RNF34: variants seen among roughly 807,000 people sequenced by gnomAD.
The protein encoded by RNF34 is ring finger protein 34, also known as E3 ubiquitin-protein ligase RNF34.
RNF34 carries 12 observed loss-of-function variants against 37.9 expected under a neutral mutation model. That is an observed-to-expected ratio of 0.32 (90% CI 0.20 to 0.51). RNF34 has a LOEUF of 0.51. Ranked by LOEUF, RNF34 falls within the 20% of genes least tolerant of loss-of-function variation. RNF34 has a pLI of 0.97. For synonymous variants in RNF34, 155 were observed against 177.2 expected, an observed-to-expected ratio of 0.87 and a Z score of 1.00; for missense variants, 362 against 472.7, an observed-to-expected ratio of 0.77 and a Z score of 2.17.
chr12:121,409,089 C>T (rs886996980), intron 1 of RNF34, among the ~76,000 whole-genome samples: 1 of 152,050 alleles, frequency 6.6e-6, no homozygotes, highest in Non-Finnish European at 1.5e-5. Context: ...AAACGATTCT[C>T]CTGCCTCAGC....
At chr12:121,412,201 A>C (rs1370260807) in intron 1 of RNF34, among the ~76,000 whole-genome samples, 2 of 142,120 alleles carry the variant, frequency 1.4e-5, no homozygotes, top group Non-Finnish European at 3.0e-5. Context: ...AGCTGGGACT[A>C]CAGGCACGTG....
intron 1 of RNF34, among the ~76,000 whole-genome samples, chr12:121,415,926 A>G (rs1871529962): frequency 7.3e-6 from 1 of 136,880 alleles, no homozygotes; most frequent in South Asian, 2.4e-4. Flanking sequence ...TAAAATTTGG[A>G]TCATGTTCTC....
At chr12:121,403,325 G>T (rs1555280254) in intron 1 of RNF34, among the ~76,000 whole-genome samples, 1 of 151,632 alleles carries the variant, frequency 6.6e-6, no homozygotes, top group Non-Finnish European at 1.5e-5. Context: ...GAACCCGGGA[G>T]GCAGAGTTTG....
chr12:121,423,523 T>TGG lies in RNF34; in HGVS notation c.1067_1068insGG (p.Cys356TrpfsTer32), dbSNP rs782480505. The TGG allele has an allele frequency of 6.2e-6, 10 of 1,614,172 alleles. No homozygotes were observed. Among genetic ancestry groups the TGG allele is most frequent in the Non-Finnish European group, 7.6e-6 (9 of 1,180,030 alleles). ...CAAGTGCGGCAAGCGCATGAGTGAGTGTCCCATCTGCCGGCAGTATGTGGT... is the reference window on the plus strand; with the variant it reads ...CAAGTGCGGCAAGCGCATGAGTGAGTGGGTCCCATCTGCCGGCAGTATGTGGT... On this transcript the variant is annotated frameshift_variant, in exon 6 of 6. Coordinates refer to ENST00000361234, the MANE Select transcript of RNF34 (RefSeq NM_025126.4). LOFTEE classifies it high-confidence loss of function. This position sits in a 1 kb window ranked among gnomAD's most constrained non-coding sequence, Gnocchi z 4.3.
rs184904177 is a variant in RNF34, at chr12:121,420,332, C to A, written c.724C>A (p.Arg242=). Residue 242 remains arginine (R), a splice_region_variant and synonymous_variant, in exon 4 of 6, where the codon CGG becomes AGG. Coordinates refer to ENST00000361234, the MANE Select transcript of RNF34 (RefSeq NM_025126.4). ...TGATGAAGAAGAAAACGCAGAGGAT[C>A]GGGTGAGGCCACCTATAAAATTTGG... ...DDDEEENAED[R]NPGLSKERVR... 1.7e-5 allele frequency: 26 copies of A among 1,560,632 alleles called. No individual in the cohort carries two copies. The highest frequency in any genetic ancestry group is 2.1e-5 in the Non-Finnish European group (24 of 1,151,732).
Position 121,412,707 on chromosome 12 carries a change from G to C in RNF34, c.7-3452G>C, listed in dbSNP as rs540532499. Among the ~76,000 whole-genome samples, 4 of 148,692 alleles carry C rather than the reference G, an allele frequency of 2.7e-5. No homozygotes were observed. In the South Asian group the frequency reaches 8.6e-4, roughly 32 times the overall value. On this transcript the variant is annotated intron_variant, in intron 1 of 5. Coordinates refer to ENST00000361234, the MANE Select transcript of RNF34 (RefSeq NM_025126.4). ...CACTAACTTTAAATTAACTCTTAGT[G>C]AATCTAGATGTTCATGCTTTTTTTT...
At chr12:121,420,526 G>A (rs1555283124) in intron 4 of RNF34, 51 bp from the exon 5 acceptor site, 1 of 1,593,332 alleles carries the variant, frequency 6.3e-7, no homozygotes, top group Admixed American at 1.7e-5. Flanking sequence ...TTTAGAGTGG[G>A]GAGGGTCTGG....
rs1239453086 is a variant in RNF34, at chr12:121,417,917, AG to A, written c.633+11del. 5.0e-6 allele frequency: 8 copies of A among 1,611,434 alleles called. No homozygotes were observed. The highest frequency in any genetic ancestry group is 6.8e-6 in the Non-Finnish European group (8 of 1,178,946). On this transcript the variant is annotated splice_region_variant and intron_variant, in intron 3 of 5. Transcript: ENST00000361234. The surrounding 1 kb of genome is among the most constrained non-coding windows in gnomAD (Gnocchi z 5.0). ...GATCTGGAGTGCCGGCACAGGTACG[AG>A]GGGGTAACTAATTACACCCAGGGCC... is the stretch of plus-strand genomic sequence containing the variant.
At chr12:121,419,382 T>C (rs1871886211) in intron 3 of RNF34, among the ~76,000 whole-genome samples, 1 of 152,216 alleles carries the variant, frequency 6.6e-6, no homozygotes, top group South Asian at 2.1e-4. Context: ...GAACGTCTCC[T>C]AGTCGTCAAG....
rs574834467 is a variant in RNF34 at position 121,406,937 on chromosome 12, T to A, written c.6+6719T>A. ...TAAAAATATAATTTCAACTTTTAGATTTGGGGGTACACGTACAGACTTGTT... is the reference window on the plus strand; with the variant it reads ...TAAAAATATAATTTCAACTTTTAGAATTGGGGGTACACGTACAGACTTGTT... On this transcript the variant is annotated intron_variant, in intron 1 of 5. Transcript: ENST00000361234. 2.0e-5 allele frequency among the ~76,000 whole-genome samples: 3 copies of A among 152,264 alleles called. No individual in the cohort carries two copies. The South Asian group carries it at 6.2e-4, about 32-fold the overall frequency.
In RNF34 at chr12:121,422,645, G is replaced by C. The variant is rs544074648; in HGVS notation, c.929-741G>C. ...TTCCTGTTCTGTTCCAACTATTCAT[G>C]ATTCCCTTTGATCTCCTCTGACCTG... On this transcript the variant is annotated intron_variant, in intron 5 of 5. Coordinates refer to ENST00000361234, the MANE Select transcript of RNF34 (RefSeq NM_025126.4). Among the ~76,000 whole-genome samples, 6 of 152,304 alleles carry C rather than the reference G, an allele frequency of 3.9e-5. 1 individual carries two copies. In the South Asian group the frequency reaches 6.2e-4, roughly 16 times the overall value.
rs1389540728 is a variant in RNF34, at chr12:121,423,936, A to C, written c.*360A>C. The C allele has an allele frequency of 1.6e-5, 3 of 189,084 alleles. No individual in the cohort carries two copies. The highest frequency in any genetic ancestry group is 3.3e-5 in the Non-Finnish European group (3 of 91,350). 11.7% of individuals were successfully genotyped at this position (189,084 alleles called of 1,614,324 possible). Reference sequence around the variant, plus strand: ...CCTATTTTTAACTTAAACTGCTCAGATGTTTGAAACTTCTGTCCTCTTTGG... The same window carrying C: ...CCTATTTTTAACTTAAACTGCTCAGCTGTTTGAAACTTCTGTCCTCTTTGG... On this transcript the variant is annotated 3_prime_UTR_variant, in exon 6 of 6. Transcript: ENST00000361234. The surrounding 1 kb of genome is among the most constrained non-coding windows in gnomAD (Gnocchi z 4.3).
rs1403421174 is a variant in RNF34, at chr12:121,420,757, A to G, written c.907A>G (p.Asn303Asp). The G allele has an allele frequency of 6.2e-7, 1 of 1,613,390 alleles. No homozygotes were observed. Among genetic ancestry groups the G allele is most frequent in the African/African-American group, 1.3e-5 (1 of 74,902 alleles). Reference protein sequence around the residue: ...VEKVNRLYKENEENQKSYGER... With the variant: ...VEKVNRLYKEDEENQKSYGER... ...GAAAGTAAACCGGTTATACAAAGAG[A>G]ATGAAGAAAACCAAAAGTCCTGTAG... The change falls in exon 5 of 6, where the codon AAT becomes GAT. Residue 303 changes from asparagine to aspartate, a missense_variant. Physicochemically the swap from Asn to Asp is conservative, Grantham distance 23. Coordinates refer to ENST00000361234, the MANE Select transcript of RNF34 (RefSeq NM_025126.4).
intron 5 of RNF34, among the ~76,000 whole-genome samples, chr12:121,422,023 CG>C (rs1453439940): frequency 2.0e-5 from 3 of 152,174 alleles, no homozygotes; most frequent in African/African-American, 7.2e-5. Flanking sequence ...TTTCAGAGGT[CG>C]TAGGCTGCTG....
At chr12:121,401,771 A>G (rs113741957) in intron 1 of RNF34, among the ~76,000 whole-genome samples, 3 of 152,210 alleles carry the variant, frequency 2.0e-5, no homozygotes, top group African/African-American at 7.2e-5. Context: ...TGTGTTTTGA[A>G]TTGAAGTGGA....
chr12:121,419,155 T>G (rs1371022936), intron 3 of RNF34, among the ~76,000 whole-genome samples: 1 of 152,238 alleles, frequency 6.6e-6, no homozygotes, highest in Non-Finnish European at 1.5e-5. Flanking sequence ...TACCATATTT[T>G]TATTGTACCT....
intron 1 of RNF34, among the ~76,000 whole-genome samples, chr12:121,413,429 T>TTTTTTTTTTTTTA (rs1871282024): frequency 2.0e-5 from 3 of 148,790 alleles, no homozygotes; most frequent in African/African-American, 7.5e-5. Context: ...TTTTTTTTTT[T>TTTTTTTTTTTTTA]GAGACGGAGT....
chr12:121,405,960 A>AT (rs1380892297), intron 1 of RNF34, among the ~76,000 whole-genome samples: 3 of 149,474 alleles, frequency 2.0e-5, no homozygotes, highest in African/African-American at 7.4e-5. Context: ...CGTCCAGCTA[A>AT]TTTTTTGTAT....
At chr12:121,412,121 G>T (rs1871119657) in intron 1 of RNF34, among the ~76,000 whole-genome samples, 1 of 151,864 alleles carries the variant, frequency 6.6e-6, no homozygotes, top group Non-Finnish European at 1.5e-5. Context: ...GAGTGCAGTG[G>T]CGCAATCTTG....
Sources: gnomAD v4.1 joint callset for allele counts (sites outside exome capture counted in the v4.1 genomes callset) on GRCh38, gnomAD v4.1.1 for gene constraint, Gnocchi (gnomAD v3.1) non-coding constraint, MANE v1.5 for transcripts, NCBI Gene and HGNC (gene_info 2026-07-23, HGNC 2026-07-21) for gene names.